The following CAMKMT variants were observed in gnomAD, a reference collection of about 807,000 sequenced individuals.
CAMKMT encodes the protein calmodulin-lysine N-methyltransferase, also known as CaM KMT.
CAMKMT carries 53 observed loss-of-function variants against 48.0 expected under a neutral mutation model. The observed-to-expected ratio is 1.10, with a 90% CI of 0.89 to 1.39. The LOEUF is 1.39. Ranked by LOEUF, CAMKMT falls within the 40% of genes most tolerant of loss-of-function variation. CAMKMT has a pLI of 0.00. For missense variants in CAMKMT, 428 were observed against 402.7 expected, an observed-to-expected ratio of 1.06 and a Z score of -0.54; for synonymous variants, 165 against 152.3, an observed-to-expected ratio of 1.08 and a Z score of -0.61.
At chr2:44,513,840 C>T (rs753941159) in intron 3 of CAMKMT, among the ~76,000 whole-genome samples, 2 of 152,054 alleles carry the variant, frequency 1.3e-5, no homozygotes, top group South Asian at 4.1e-4. Context: ...GTGGCTCACA[C>T]CTGTAATCAC....
At chr2:44,702,551 CAGGTTA>C (rs1386842309) in intron 3 of CAMKMT, among the ~76,000 whole-genome samples, 1 of 152,170 alleles carries the variant, frequency 6.6e-6, no homozygotes, top group Non-Finnish European at 1.5e-5. Flanking sequence ...GAGGGATAGG[CAGGTTA>C]AGTAACCTGT....
intron 3 of CAMKMT, among the ~76,000 whole-genome samples, chr2:44,641,117 TA>T (rs1335193870): frequency 3.3e-5 from 5 of 152,210 alleles, no homozygotes; most frequent in Non-Finnish European, 7.3e-5. Context: ...CATTATCTTC[TA>T]AGCCTAAAGA....
At chr2:44,661,302 T>G (rs927710196) in intron 3 of CAMKMT, among the ~76,000 whole-genome samples, 11 of 149,826 alleles carry the variant, frequency 7.3e-5, no homozygotes, top group Non-Finnish European at 1.5e-4. Flanking sequence ...ACAATGGTTG[T>G]GAGCAGCCTT....
chr2:44,679,054 G>A (rs1242475208), intron 3 of CAMKMT, among the ~76,000 whole-genome samples: 1 of 152,028 alleles, frequency 6.6e-6, no homozygotes, highest in African/African-American at 2.4e-5. Context: ...CTTATGAATC[G>A]AATTCCCAAA....
At chr2:44,598,059 A>T (rs1394435614) in intron 3 of CAMKMT, among the ~76,000 whole-genome samples, 1 of 151,952 alleles carries the variant, frequency 6.6e-6, no homozygotes, top group Non-Finnish European at 1.5e-5. Context: ...AATGCCATAA[A>T]ATAATAAGAT....
chr2:44,603,242 C>A (rs919015345), intron 3 of CAMKMT, among the ~76,000 whole-genome samples: 2 of 151,928 alleles, frequency 1.3e-5, no homozygotes, highest in Non-Finnish European at 2.9e-5. Context: ...CATGTGCCAC[C>A]ACACCTGGCT....
chr2:44,525,587 C>T (rs1671363883), intron 3 of CAMKMT, among the ~76,000 whole-genome samples: 1 of 152,186 alleles, frequency 6.6e-6, no homozygotes, highest in Non-Finnish European at 1.5e-5. Context: ...TATTACTATA[C>T]ATTTTCACAG....
chr2:44,520,918 C>T (rs1671072822), intron 3 of CAMKMT, among the ~76,000 whole-genome samples: 1 of 152,170 alleles, frequency 6.6e-6, no homozygotes, highest in African/African-American at 2.4e-5. Flanking sequence ...GAGGTGGCTT[C>T]TGTCATGACT....
chr2:44,712,795 T>C (rs911626614), intron 6 of CAMKMT, among the ~76,000 whole-genome samples: 5 of 152,200 alleles, frequency 3.3e-5, no homozygotes, highest in African/African-American at 1.2e-4. Context: ...TCAATGTGAT[T>C]GGATTTCCTT....
chr2:44,406,759 G>C (rs1288185105), intron 3 of CAMKMT, among the ~76,000 whole-genome samples: 1 of 152,034 alleles, frequency 6.6e-6, no homozygotes, highest in Admixed American at 6.6e-5. Context: ...ACCAGGCCCT[G>C]CTTGTTTTTT....
intron 8 of CAMKMT, among the ~76,000 whole-genome samples, chr2:44,747,169 C>T (rs899157135): frequency 1.3e-5 from 2 of 152,330 alleles, no homozygotes; most frequent in East Asian, 3.9e-4. Flanking sequence ...GCAACCCACC[C>T]CGATTGCTCT....
intron 3 of CAMKMT, among the ~76,000 whole-genome samples, chr2:44,647,495 A>C (rs951462186): frequency 1.3e-5 from 2 of 152,194 alleles, no homozygotes; most frequent in East Asian, 3.9e-4. Flanking sequence ...AGCAATTTGT[A>C]GAGACCAAGC....
At chr2:44,530,783 G>A (rs1470382478) in intron 3 of CAMKMT, among the ~76,000 whole-genome samples, 1 of 151,912 alleles carries the variant, frequency 6.6e-6, no homozygotes. Context: ...AATTATTAAC[G>A]TTCTGATTTT....
intron 3 of CAMKMT, among the ~76,000 whole-genome samples, chr2:44,661,200 A>T (rs149071234): frequency 0.011 from 1,714 of 152,212 alleles, 38 homozygotes; most frequent in African/African-American, 0.039. Context: ...TGCCTAATTT[A>T]CAGAGTGGCA....
At chr2:44,660,097 AT>A (rs1674600755) in intron 3 of CAMKMT, among the ~76,000 whole-genome samples, 1 of 152,232 alleles carries the variant, frequency 6.6e-6, no homozygotes, top group Non-Finnish European at 1.5e-5. Flanking sequence ...TAAATAACAT[AT>A]TTTTATGAAA....
intron 3 of CAMKMT, among the ~76,000 whole-genome samples, chr2:44,455,658 T>C (rs1316789236): frequency 6.6e-6 from 1 of 152,226 alleles, no homozygotes; most frequent in African/African-American, 2.4e-5. Flanking sequence ...CTGTGTAACT[T>C]TGACCAAGTT....
At chr2:44,563,610 C>T (rs972260617) in intron 3 of CAMKMT, among the ~76,000 whole-genome samples, 11 of 152,122 alleles carry the variant, frequency 7.2e-5, no homozygotes, top group Non-Finnish European at 1.2e-4. Flanking sequence ...TCTCCTAATG[C>T]TATCCCTCCC....
intron 3 of CAMKMT, chr2:44,631,628 A>G (rs1482965641): frequency 6.4e-6 from 3 of 466,166 alleles, no homozygotes; most frequent in South Asian, 5.0e-5. Flanking sequence ...GGACAGTTGT[A>G]TAGTTGGGTC....
At chr2:44,611,698 G>T (rs1001757792) in intron 3 of CAMKMT, among the ~76,000 whole-genome samples, 1 of 151,938 alleles carries the variant, frequency 6.6e-6, no homozygotes, top group South Asian at 2.1e-4. Flanking sequence ...ATAAAGAAAA[G>T]AGGTTTAATT....
Sources: allele counts gnomAD v4.1 joint callset (sites outside exome capture counted in the v4.1 genomes callset), GRCh38; gene constraint gnomAD v4.1.1; transcripts MANE v1.5; gene names NCBI Gene and HGNC (gene_info 2026-07-23, HGNC 2026-07-21).